The following ITGA2 variants were observed in gnomAD, a reference collection of about 807,000 sequenced individuals.
ITGA2 encodes the protein integrin alpha-2.
In ITGA2, 101 loss-of-function variants were observed where a neutral mutation model predicts 146.3. The ratio of observed to expected loss-of-function variants is 0.69; its 90% CI spans 0.59 to 0.81. The LOEUF is 0.81. ITGA2 is among the 40% of genes least tolerant of loss of function. The pLI is 0.00. For missense variants in ITGA2, 1,281 were observed against 1,402.7 expected, an observed-to-expected ratio of 0.91 and a Z score of 1.39; for synonymous variants, 477 against 487.1, an observed-to-expected ratio of 0.98 and a Z score of 0.27.
intron 27 of ITGA2, among the ~76,000 whole-genome samples, chr5:53,084,996 A>G (rs993124351): frequency 6.6e-6 from 1 of 152,228 alleles, no homozygotes; most frequent in African/African-American, 2.4e-5. Context: ...TGGTTAAACT[A>G]AGAAAACACC....
At chr5:53,062,951 A>C (rs1414727432) in intron 13 of ITGA2, 22 bp downstream of exon 13, 2 of 1,576,166 alleles carry the variant, frequency 1.3e-6, no homozygotes, top group Non-Finnish European at 1.7e-6. Flanking sequence ...AAAATAAACT[A>C]ATAGTTTAAT....
At chr5:53,002,690 T>C (rs961920763) in intron 1 of ITGA2, among the ~76,000 whole-genome samples, 35 of 152,144 alleles carry the variant, frequency 2.3e-4, no homozygotes, top group African/African-American at 7.7e-4. Context: ...GTTTTTTCTT[T>C]TCGTTTTACT....
chr5:52,991,592 AT>A (rs555306199), intron 1 of ITGA2, among the ~76,000 whole-genome samples: 10 of 152,272 alleles, frequency 6.6e-5, no homozygotes, highest in Admixed American at 2.6e-4. Flanking sequence ...TGTATATACA[AT>A]TGTATATACA....
chr5:53,026,994 A>G, intron 2 of ITGA2, 126 bp downstream of exon 2: 1 of 778,830 alleles, frequency 1.3e-6, no homozygotes, highest in African/African-American at 1.7e-5. Context: ...ATATCCTTAA[A>G]TGAACAATCT....
intron 2 of ITGA2, among the ~76,000 whole-genome samples, chr5:53,034,915 G>A (rs7731858): frequency 0.66 from 99,903 of 152,028 alleles, 33,076 homozygotes; most frequent in South Asian, 0.71. Flanking sequence ...GCAATTTTGA[G>A]CAAAAGGGCA....
chr5:53,090,684 A>AT lies in ITGA2; in HGVS notation c.*86dup. The AT allele has an allele frequency of 9.7e-7, 1 of 1,027,796 alleles. No individual in the cohort carries two copies. Among genetic ancestry groups the AT allele is most frequent in the Admixed American group, 1.9e-5 (1 of 51,424 alleles). The allele number at this position is 1,027,796 out of a possible 1,614,324, so 63.7% of individuals were successfully genotyped here. Reference sequence around the variant, plus strand: ...GTGAATGGATTTCTTTTTAAATCCCATATTTTTTTTATCATGTCGTAGGTA... The same window carrying AT: ...GTGAATGGATTTCTTTTTAAATCCCATTATTTTTTTTATCATGTCGTAGGTA... On this transcript the variant is annotated 3_prime_UTR_variant, in exon 30 of 30. Coordinates refer to ENST00000296585, the MANE Select transcript of ITGA2 (RefSeq NM_002203.4).
intron 1 of ITGA2, among the ~76,000 whole-genome samples, chr5:53,013,572 A>G (rs974938013): frequency 1.3e-5 from 2 of 151,836 alleles, no homozygotes; most frequent in Non-Finnish European, 2.9e-5. Flanking sequence ...CTTTGCTTAG[A>G]TTGTTTTTGC....
At position 53,039,162 on chromosome 5, in the gene ITGA2, A is replaced by T. The variant is rs954319944; in HGVS notation, c.186-2950A>T. 5.9e-5 allele frequency among the ~76,000 whole-genome samples: 9 copies of T among 152,334 alleles called. No homozygotes were observed. In the East Asian group the frequency reaches 1.7e-3, roughly 29 times the overall value. On this transcript the variant is annotated intron_variant, in intron 2 of 29. Coordinates refer to ENST00000296585, the MANE Select transcript of ITGA2 (RefSeq NM_002203.4). The stretch of plus-strand genomic sequence containing the variant: ...AGATAATCTTTGGAAAGGCTTACAC[A>T]TAGTACCAGATGTTGTAAAATTTAC...
At chr5:53,034,485 A>G (rs1188534203) in intron 2 of ITGA2, among the ~76,000 whole-genome samples, 1 of 151,972 alleles carries the variant, frequency 6.6e-6, no homozygotes, top group Non-Finnish European at 1.5e-5. Context: ...CACTCTGGAT[A>G]CAAGTTTGTG....
intron 6 of ITGA2, among the ~76,000 whole-genome samples, chr5:53,049,502 G>C (rs2075617): frequency 0.42 from 56,175 of 133,188 alleles, 10,427 homozygotes; most frequent in Admixed American, 0.47. Context: ...CATAGTTCCA[G>C]CATTTATGAT....
At chr5:53,072,114 G>C (rs918579531) in intron 18 of ITGA2, 66 bp downstream of exon 18, 5 of 1,120,284 alleles carry the variant, frequency 4.5e-6, no homozygotes, top group Non-Finnish European at 6.8e-6. Context: ...CTGCAATAGT[G>C]TCTGAAGGAT....
chr5:53,027,257 A>G (rs1742993833), intron 2 of ITGA2, among the ~76,000 whole-genome samples: 2 of 152,228 alleles, frequency 1.3e-5, no homozygotes, highest in Non-Finnish European at 1.5e-5. Flanking sequence ...ACCATTTCTA[A>G]ATGGTAGAAT....
At chr5:53,072,934 C>T (rs936693714) in intron 19 of ITGA2, among the ~76,000 whole-genome samples, 184 bp from the exon 20 acceptor site, 1 of 151,736 alleles carries the variant, frequency 6.6e-6, no homozygotes, top group Admixed American at 6.6e-5. Context: ...AAAGAACAAT[C>T]CAATTGCATT....
intron 7 of ITGA2, 66 bp downstream of exon 7, chr5:53,051,625 TGAA>T: frequency 6.7e-7 from 1 of 1,496,800 alleles, no homozygotes; most frequent in Non-Finnish European, 9.2e-7. Flanking sequence ...GTAATAAATA[TGAA>T]AAAGTAAGGA....
At chr5:52,994,337 C>G (rs1741121123) in intron 1 of ITGA2, among the ~76,000 whole-genome samples, 2 of 152,118 alleles carry the variant, frequency 1.3e-5, no homozygotes, top group African/African-American at 4.8e-5. Context: ...TCCTTTCTAG[C>G]AGAAGTCCAT....
chr5:53,034,730 A>T (rs1416169327), intron 2 of ITGA2, among the ~76,000 whole-genome samples: 2 of 152,188 alleles, frequency 1.3e-5, no homozygotes, highest in Non-Finnish European at 2.9e-5. Flanking sequence ...CCTTCCTAGT[A>T]TCTAGTTGTC....
chr5:52,995,093 T>A (rs1369521149), intron 1 of ITGA2, among the ~76,000 whole-genome samples: 1 of 152,202 alleles, frequency 6.6e-6, no homozygotes. Flanking sequence ...TTGAATAGAA[T>A]ACTGACGCAA....
intron 1 of ITGA2, among the ~76,000 whole-genome samples, chr5:52,991,976 T>C (rs1476068419): frequency 6.9e-6 from 1 of 143,892 alleles, no homozygotes; most frequent in Non-Finnish European, 1.6e-5. Context: ...CTCCAGTATG[T>C]TCACAGGTCA....
chr5:53,043,170 T>C (rs921993358), intron 3 of ITGA2, among the ~76,000 whole-genome samples: 9 of 151,980 alleles, frequency 5.9e-5, no homozygotes, highest in African/African-American at 1.9e-4. Context: ...TCTAGATCAG[T>C]GATCTCCAAA....
Sources: allele counts gnomAD v4.1 joint callset (sites outside exome capture counted in the v4.1 genomes callset), GRCh38; gene constraint gnomAD v4.1.1; transcripts MANE v1.5; gene names NCBI Gene and HGNC (gene_info 2026-07-23, HGNC 2026-07-21).